TIAM1: variants seen among roughly 807,000 people sequenced by gnomAD.
The protein encoded by TIAM1 is rho guanine nucleotide exchange factor TIAM1.
A neutral mutation model predicts 163.5 loss-of-function variants in TIAM1; 65 were observed. The observed-to-expected ratio is 0.40, with a 90% CI of 0.33 to 0.49. TIAM1 has a LOEUF of 0.49. TIAM1 is among the 20% of genes least tolerant of loss of function. The pLI is 0.77. For synonymous variants in TIAM1, 833 were observed against 810.1 expected (o/e 1.03, Z -0.48); for missense variants, 1,789 against 2,044.7 (o/e 0.87, Z 2.41).
intron 2 of TIAM1, among the ~76,000 whole-genome samples, chr21:31,306,925 T>C (rs2074735468): frequency 6.6e-6 from 1 of 152,190 alleles, no homozygotes; most frequent in South Asian, 2.1e-4. Context: ...AACAGTTGCC[T>C]TGAAAAACAC....
intron 2 of TIAM1, among the ~76,000 whole-genome samples, chr21:31,356,363 C>G (rs1226820460): frequency 6.6e-6 from 1 of 151,984 alleles, no homozygotes; most frequent in Non-Finnish European, 1.5e-5. Context: ...GTCATGCATC[C>G]CCCCCACAGC....
intron 15 of TIAM1, among the ~76,000 whole-genome samples, chr21:31,177,148 C>A (rs2084802698): frequency 6.6e-6 from 1 of 152,180 alleles, no homozygotes; most frequent in African/African-American, 2.4e-5. Context: ...TGAGCGCTTA[C>A]TGGGTAATAT....
intron 23 of TIAM1, among the ~76,000 whole-genome samples, chr21:31,134,207 G>GA (rs2082529185): frequency 6.6e-6 from 1 of 152,168 alleles, no homozygotes; most frequent in Admixed American, 6.5e-5. Flanking sequence ...GCAAAGCCAT[G>GA]AAAAATCTAA....
chr21:31,456,033 C>T (rs1349839469), intron 2 of TIAM1, among the ~76,000 whole-genome samples: 2 of 152,168 alleles, frequency 1.3e-5, no homozygotes, highest in African/African-American at 4.8e-5. Flanking sequence ...CTTGAGATTA[C>T]ACAGGAGAAT....
chr21:31,217,770 C>A lies in TIAM1; in HGVS notation c.1996-71G>T, dbSNP rs911210483. The A allele has an allele frequency of 2.8e-5, 44 of 1,549,730 alleles. No homozygotes were observed. The Admixed American group carries it at 4.3e-4, about 15-fold the overall frequency. The stretch of plus-strand genomic sequence containing the variant: ...CCACCCACTTGTGCCTTGAGGTCCC[C>A]GTAAGTCCCACCCTTCAAAAAACCC... On this transcript the variant is annotated intron_variant, in intron 8 of 27. Transcript: ENST00000541036.
Position 31,327,664 on chromosome 21 carries a change from G to GAAAGA in TIAM1, c.-189+11574_-189+11578dup, listed in dbSNP as rs1424228409. On this transcript the variant is annotated intron_variant, in intron 2 of 27. Coordinates refer to ENST00000541036, the MANE Select transcript of TIAM1 (RefSeq NM_001353694.2). ...ATCTCAAAAAAAAAAAAAAAAAAAG[G>GAAAGA]AAAGAAAAGAAAACAGAAAAGAAGA... 3.2e-5 allele frequency among the ~76,000 whole-genome samples: 4 copies of GAAAGA among 126,670 alleles called. No homozygotes were observed. The East Asian group carries it at 8.0e-4, about 25-fold the overall frequency. The allele number at this position is 126,670 out of a possible 152,430, so 83.1% of individuals were successfully genotyped here.
At chr21:31,158,685 A>G (rs971357633) in intron 16 of TIAM1, among the ~76,000 whole-genome samples, 2 of 152,050 alleles carry the variant, frequency 1.3e-5, no homozygotes, top group Admixed American at 6.6e-5. Context: ...CACCCCCCCA[A>G]ATTTTTTTTG....
intron 2 of TIAM1, among the ~76,000 whole-genome samples, chr21:31,416,747 G>A (rs971340974): frequency 2.6e-5 from 4 of 152,214 alleles, no homozygotes; most frequent in Non-Finnish European, 5.9e-5. Flanking sequence ...TTAATATCCA[G>A]ATAAAAGTGA....
intron 12 of TIAM1, among the ~76,000 whole-genome samples, chr21:31,195,576 A>G (rs142653078): frequency 6.6e-6 from 1 of 152,314 alleles, no homozygotes; most frequent in Non-Finnish European, 1.5e-5. Context: ...ACAGACCTGA[A>G]AAATAATGCT....
At chr21:31,524,732 T>C (rs1007477653) in intron 1 of TIAM1, among the ~76,000 whole-genome samples, 2 of 152,200 alleles carry the variant, frequency 1.3e-5, no homozygotes, top group Non-Finnish European at 2.9e-5. Flanking sequence ...TATCATGCAA[T>C]GCTCCTTTAG....
chr21:31,127,828 A>G (rs1375421348), intron 25 of TIAM1, among the ~76,000 whole-genome samples: 1 of 152,096 alleles, frequency 6.6e-6, no homozygotes, highest in African/African-American at 2.4e-5. Flanking sequence ...TCCTATGCAG[A>G]TTTCATCCGG....
intron 2 of TIAM1, among the ~76,000 whole-genome samples, chr21:31,319,947 C>A (rs191315268): frequency 2.0e-5 from 3 of 152,124 alleles, no homozygotes; most frequent in Admixed American, 2.0e-4. Context: ...AAGTCCTATG[C>A]TTATTTTTTA....
chr21:31,471,804 G>A (rs2045749264), intron 1 of TIAM1, among the ~76,000 whole-genome samples: 1 of 152,006 alleles, frequency 6.6e-6, no homozygotes, highest in African/African-American at 2.4e-5. Context: ...AGGAGGCAGA[G>A]GTTGCAGTAA....
At chr21:31,535,754 GTGT>G (rs1296759784) in intron 1 of TIAM1, among the ~76,000 whole-genome samples, 1 of 102,616 alleles carries the variant, frequency 9.7e-6, no homozygotes, top group Admixed American at 1.1e-4. Context: ...CCCCAGGTGA[GTGT>G]TTTTTGGCTG....
At chr21:31,132,212 C>G (rs553686329) in intron 23 of TIAM1, among the ~76,000 whole-genome samples, 15 of 152,220 alleles carry the variant, frequency 9.9e-5, no homozygotes, top group Non-Finnish European at 2.1e-4. Context: ...GGTTCAATTT[C>G]TATCCTACGG....
chr21:31,315,925 C>T (rs935916971), intron 2 of TIAM1, among the ~76,000 whole-genome samples: 7 of 152,122 alleles, frequency 4.6e-5, no homozygotes, highest in African/African-American at 1.4e-4. Flanking sequence ...TGCAGTGAGC[C>T]GAGATCGCGC....
chr21:31,352,576 G>C (rs1219701608), intron 2 of TIAM1, among the ~76,000 whole-genome samples: 1 of 149,634 alleles, frequency 6.7e-6, no homozygotes, highest in East Asian at 1.9e-4. Flanking sequence ...TGCTGGCCTG[G>C]TACAGTGGCT....
chr21:31,276,479 G>T (rs2073304525), intron 3 of TIAM1, among the ~76,000 whole-genome samples: 1 of 152,066 alleles, frequency 6.6e-6, no homozygotes, highest in African/African-American at 2.4e-5. Flanking sequence ...ATAAATTTAC[G>T]AGATCCTGAG....
intron 1 of TIAM1, among the ~76,000 whole-genome samples, chr21:31,514,153 T>C (rs1048248812): frequency 1.8e-4 from 28 of 152,112 alleles, no homozygotes; most frequent in African/African-American, 6.8e-4. Flanking sequence ...TATTTCATGA[T>C]CTAAGAGGTG....
Sources: allele counts gnomAD v4.1 joint callset (sites outside exome capture counted in the v4.1 genomes callset), GRCh38; gene constraint gnomAD v4.1.1; transcripts MANE v1.5; gene names NCBI Gene and HGNC (gene_info 2026-07-23, HGNC 2026-07-21).